The following PTPRD variants were observed in gnomAD, a reference collection of about 807,000 sequenced individuals.
PTPRD encodes protein tyrosine phosphatase receptor type D, also known as receptor-type tyrosine-protein phosphatase delta.
PTPRD carries 34 observed loss-of-function variants against 214.5 expected under a neutral mutation model. The observed-to-expected ratio is 0.16, with a 90% CI of 0.12 to 0.21. PTPRD has a LOEUF of 0.21. Ranked by LOEUF, PTPRD falls within the 10% of genes least tolerant of loss-of-function variation. The probability of loss-of-function intolerance (pLI) is 1.00; values close to 1 mark genes in which losing one functional copy is unlikely to be tolerated. For missense variants in PTPRD, 2,545 were observed against 2,398.7 expected (o/e 1.06, Z -1.27); for synonymous variants, 1,128 against 845.7 (o/e 1.33, Z -5.79).
At chr9:9,582,861 A>C (rs893285479) in intron 7 of PTPRD, among the ~76,000 whole-genome samples, 2 of 152,192 alleles carry the variant, frequency 1.3e-5, no homozygotes, top group Middle Eastern at 3.4e-3. Flanking sequence ...CCATTGTCTA[A>C]AACCTACTGG....
At chr9:10,145,709 A>C (rs1005998248) in intron 3 of PTPRD, among the ~76,000 whole-genome samples, 1 of 152,100 alleles carries the variant, frequency 6.6e-6, no homozygotes, top group Non-Finnish European at 1.5e-5. Context: ...AGTCTCCAGC[A>C]TGTGTGTATG....
chr9:8,346,953 TAG>T (rs1217976520), intron 39 of PTPRD, among the ~76,000 whole-genome samples: 1 of 152,038 alleles, frequency 6.6e-6, no homozygotes, highest in African/African-American at 2.4e-5. Flanking sequence ...GATAAGCACT[TAG>T]TTAAGATGAA....
chr9:8,968,317 A>G (rs971019247), intron 11 of PTPRD, among the ~76,000 whole-genome samples: 1 of 152,032 alleles, frequency 6.6e-6, no homozygotes, highest in Non-Finnish European at 1.5e-5. Flanking sequence ...CTAGGTCCTT[A>G]AGGAATTGCC....
intron 44 of PTPRD, among the ~76,000 whole-genome samples, chr9:8,320,787 C>T (rs1273489552): frequency 2.6e-5 from 4 of 152,064 alleles, no homozygotes; most frequent in Middle Eastern, 3.2e-3. Context: ...ACTCCAGAAT[C>T]TTCACGGTAG....
chr9:9,640,981 T>A (rs2095924086), intron 7 of PTPRD, among the ~76,000 whole-genome samples: 1 of 152,256 alleles, frequency 6.6e-6, no homozygotes, highest in Non-Finnish European at 1.5e-5. Context: ...AATAGTTCTA[T>A]GTGCCTAACA....
intron 2 of PTPRD, among the ~76,000 whole-genome samples, chr9:10,594,437 G>A (rs1165813227): frequency 6.6e-6 from 1 of 151,910 alleles, no homozygotes; most frequent in Non-Finnish European, 1.5e-5. Context: ...CTAAATGCAA[G>A]CAAGAAGCTT....
chr9:8,661,753 C>T (rs569108498), intron 12 of PTPRD, among the ~76,000 whole-genome samples: 6 of 151,354 alleles, frequency 4.0e-5, no homozygotes, highest in Non-Finnish European at 7.4e-5. Flanking sequence ...TTTTATTTCT[C>T]CAACCATTGA....
Position 9,310,025 on chromosome 9 carries a change from A to T in PTPRD, c.-203+87424T>A, listed in dbSNP as rs1958428563. Among the ~76,000 whole-genome samples the T allele has an allele frequency of 1.3e-5, 2 of 152,156 alleles. 1 individual carries two copies. Among genetic ancestry groups the T allele is most frequent in the Admixed American group, 1.3e-4 (2 of 15,260 alleles). ...GGAAGCTTATCTGAAAACTTTCTCAACTACCCCAGAATTCTACAAATTGAA... is the reference window on the plus strand; with the variant it reads ...GGAAGCTTATCTGAAAACTTTCTCATCTACCCCAGAATTCTACAAATTGAA... On this transcript the variant is annotated intron_variant, in intron 9 of 45. Transcript: ENST00000381196.
chr9:10,145,071 A>G (rs1429977145), intron 3 of PTPRD, among the ~76,000 whole-genome samples: 1 of 152,126 alleles, frequency 6.6e-6, no homozygotes, highest in Admixed American at 6.6e-5. Flanking sequence ...ATATATATTC[A>G]GTATCCCCCC....
intron 3 of PTPRD, among the ~76,000 whole-genome samples, chr9:10,165,009 T>G (rs889836378): frequency 2.6e-5 from 4 of 151,644 alleles, no homozygotes; most frequent in Non-Finnish European, 5.9e-5. Flanking sequence ...GGAAGAAAAT[T>G]GCCTCATCTT....
intron 2 of PTPRD, among the ~76,000 whole-genome samples, chr9:10,408,934 T>C (rs1366406770): frequency 2.0e-5 from 3 of 151,766 alleles, no homozygotes. Flanking sequence ...GTGCTTTGAC[T>C]ATAAACCTGT....
At chr9:10,123,306 G>A (rs959333331) in intron 3 of PTPRD, among the ~76,000 whole-genome samples, 4 of 152,222 alleles carry the variant, frequency 2.6e-5, no homozygotes, top group Non-Finnish European at 4.4e-5. Context: ...TGACTAATAA[G>A]TGGTGTGTTA....
At chr9:9,545,189 A>G (rs1025979254) in intron 8 of PTPRD, among the ~76,000 whole-genome samples, 2 of 151,748 alleles carry the variant, frequency 1.3e-5, no homozygotes, top group Non-Finnish European at 2.9e-5. Flanking sequence ...CACTCTATGC[A>G]TGAGTTCAAA....
chr9:10,501,060 T>G (rs192084407), intron 2 of PTPRD, among the ~76,000 whole-genome samples: 10 of 152,062 alleles, frequency 6.6e-5, no homozygotes, highest in African/African-American at 2.4e-4. Flanking sequence ...TGCCCAGCAG[T>G]GGGGTTGCTG....
intron 11 of PTPRD, among the ~76,000 whole-genome samples, chr9:8,949,331 T>C (rs979693406): frequency 6.6e-6 from 1 of 152,158 alleles, no homozygotes; most frequent in Non-Finnish European, 1.5e-5. Flanking sequence ...TGAAATATTG[T>C]CTTATTATTT....
intron 8 of PTPRD, among the ~76,000 whole-genome samples, chr9:9,457,606 T>C (rs1399471794): frequency 2.0e-5 from 3 of 152,058 alleles, no homozygotes; most frequent in East Asian, 3.9e-4. Flanking sequence ...TCTTCCTTTA[T>C]GGGAAAGATT....
At chr9:9,915,690 A>C (rs993014105) in intron 5 of PTPRD, among the ~76,000 whole-genome samples, 1 of 152,030 alleles carries the variant, frequency 6.6e-6, no homozygotes, top group African/African-American at 2.4e-5. Context: ...ACCAGGAAAA[A>C]AAAATAAATA....
chr9:10,603,945 G>C (rs2078615672), intron 2 of PTPRD, among the ~76,000 whole-genome samples: 3 of 151,826 alleles, frequency 2.0e-5, no homozygotes, highest in African/African-American at 7.2e-5. Flanking sequence ...AGTTGTAAGA[G>C]AAATGCACAA....
intron 9 of PTPRD, among the ~76,000 whole-genome samples, chr9:9,395,872 C>T (rs190014487): frequency 1.3e-5 from 2 of 152,132 alleles, no homozygotes; most frequent in East Asian, 1.9e-4. Flanking sequence ...GACTATCTAC[C>T]CCCACAACCA....
Sources: gnomAD v4.1 joint callset for allele counts (sites outside exome capture counted in the v4.1 genomes callset) on GRCh38, gnomAD v4.1.1 for gene constraint, MANE v1.5 for transcripts, NCBI Gene and HGNC (gene_info 2026-07-23, HGNC 2026-07-21) for gene names.